UBE2E3: variants seen among roughly 807,000 people sequenced by gnomAD.
UBE2E3 encodes the protein ubiquitin-conjugating enzyme E2 E3.
Under a neutral mutation model 23.6 loss-of-function variants are expected in UBE2E3, and 5 were observed. The observed-to-expected ratio is 0.21, with a 90% CI of 0.11 to 0.44. UBE2E3 has a LOEUF of 0.44. UBE2E3 is among the 20% of genes least tolerant of loss of function. The pLI is 0.99. For synonymous variants in UBE2E3, 78 were observed against 87.5 expected, an observed-to-expected ratio of 0.89 and a Z score of 0.60; for missense variants, 81 against 249.8, an observed-to-expected ratio of 0.32 and a Z score of 4.55.
intron 3 of UBE2E3, among the ~76,000 whole-genome samples, chr2:180,997,988 G>A (rs890690057): frequency 3.9e-5 from 6 of 152,110 alleles, no homozygotes; most frequent in African/African-American, 1.4e-4. Context: ...CTAGGACTGG[G>A]TATAGCTCTT....
intron 3 of UBE2E3, among the ~76,000 whole-genome samples, chr2:181,050,006 C>G (rs1363291535): frequency 2.6e-5 from 4 of 151,926 alleles, no homozygotes; most frequent in African/African-American, 9.7e-5. Context: ...AAAAATCTTA[C>G]TTTCAGGCAT....
intron 3 of UBE2E3, among the ~76,000 whole-genome samples, chr2:181,049,537 T>C (rs930360731): frequency 3.3e-5 from 5 of 152,072 alleles, no homozygotes; most frequent in African/African-American, 1.2e-4. Flanking sequence ...GTGTTTCTTA[T>C]GATTATACAC....
chr2:181,031,512 TTTA>T (rs761668070), intron 3 of UBE2E3, among the ~76,000 whole-genome samples: 3 of 150,680 alleles, frequency 2.0e-5, no homozygotes, highest in Non-Finnish European at 4.4e-5. Context: ...TCTGTGTGTT[TTTA>T]TTTATTTAGT....
At chr2:180,983,272 C>T (rs964252664) in intron 2 of UBE2E3, among the ~76,000 whole-genome samples, 17 of 152,120 alleles carry the variant, frequency 1.1e-4, no homozygotes, top group African/African-American at 4.1e-4. Context: ...GTATTAATAA[C>T]TTGATAATAT....
chr2:181,062,636 T>A (rs1385660208), intron 5 of UBE2E3, among the ~76,000 whole-genome samples, 155 bp from the exon 6 acceptor site: 2 of 151,676 alleles, frequency 1.3e-5, no homozygotes, highest in Non-Finnish European at 3.0e-5. Flanking sequence ...AATATACATA[T>A]GATCATGTTA....
chr2:181,062,458 A>G (rs1345030433), intron 5 of UBE2E3, among the ~76,000 whole-genome samples: 1 of 151,636 alleles, frequency 6.6e-6, no homozygotes, highest in Non-Finnish European at 1.5e-5. Flanking sequence ...TCATAAGCAG[A>G]AATATAACCA....
intron 5 of UBE2E3, among the ~76,000 whole-genome samples, chr2:181,061,588 A>C (rs1235599311): frequency 6.6e-6 from 1 of 151,552 alleles, no homozygotes; most frequent in Non-Finnish European, 1.5e-5. Flanking sequence ...GTAGTAATGG[A>C]TATTAAAATG....
intron 3 of UBE2E3, among the ~76,000 whole-genome samples, chr2:180,986,950 G>A (rs770398095): frequency 6.6e-6 from 1 of 152,050 alleles, no homozygotes; most frequent in Non-Finnish European, 1.5e-5. Context: ...GTTATGTCTA[G>A]TACATACATA....
At chr2:181,028,647 T>C (rs551538451) in intron 3 of UBE2E3, among the ~76,000 whole-genome samples, 26 of 152,248 alleles carry the variant, frequency 1.7e-4, no homozygotes, top group African/African-American at 6.3e-4. Flanking sequence ...TTCCTAATAA[T>C]GAGGTTGAAC....
chr2:181,027,032 T>C (rs1685914327), intron 3 of UBE2E3, among the ~76,000 whole-genome samples: 2 of 151,950 alleles, frequency 1.3e-5, no homozygotes, highest in Non-Finnish European at 2.9e-5. Flanking sequence ...GTGCAGAGAA[T>C]TGCGCAGAGT....
intron 3 of UBE2E3, among the ~76,000 whole-genome samples, chr2:181,008,197 A>T (rs536082885): frequency 2.0e-5 from 3 of 152,314 alleles, no homozygotes; most frequent in African/African-American, 7.2e-5. Flanking sequence ...TTTGCTTATG[A>T]TGTTTTGTTT....
intron 3 of UBE2E3, among the ~76,000 whole-genome samples, chr2:181,019,880 A>C (rs181306571): frequency 2.6e-5 from 4 of 152,288 alleles, no homozygotes; most frequent in Admixed American, 2.6e-4. Flanking sequence ...TTTCTCAGCA[A>C]ATATCAAGTG....
At chr2:181,034,842 A>T (rs1425062282) in intron 3 of UBE2E3, among the ~76,000 whole-genome samples, 1 of 152,196 alleles carries the variant, frequency 6.6e-6, no homozygotes, top group African/African-American at 2.4e-5. Context: ...AGGTGAAATG[A>T]TTTGAGTAAT....
intron 3 of UBE2E3, among the ~76,000 whole-genome samples, chr2:180,985,687 C>G (rs933815088): frequency 2.6e-5 from 4 of 152,098 alleles, no homozygotes; most frequent in African/African-American, 9.6e-5. Flanking sequence ...CTGGAAGAAT[C>G]ACTTAACTTG....
intron 3 of UBE2E3, among the ~76,000 whole-genome samples, chr2:180,996,117 A>T (rs1684814659): frequency 6.6e-6 from 1 of 152,194 alleles, no homozygotes; most frequent in East Asian, 1.9e-4. Flanking sequence ...ATTTAAAAAA[A>T]ACTTCAGCTT....
rs200075756 is a variant in UBE2E3 at position 181,061,422 on chromosome 2, C to T, written c.526+610C>T. Among the ~76,000 whole-genome samples, 5 of 9,424 alleles carry T rather than the reference C, an allele frequency of 5.3e-4. 2 individuals are homozygous for T. The highest frequency in any genetic ancestry group is 8.7e-4 in the Non-Finnish European group (5 of 5,778). 6.2% of individuals were successfully genotyped at this position (9,424 alleles called of 152,430 possible). A position where few individuals can be genotyped will look rare whatever the true frequency, so the allele number is the denominator to read the frequency against. ...ACAGGCGTGAGCCACCGCGCCCGGC[C>T]GACCACTTCTAACAAGAGTAAAGCA... is the stretch of plus-strand genomic sequence containing the variant. On this transcript the variant is annotated intron_variant, in intron 5 of 5. Transcript: ENST00000410062.
chr2:181,046,401 T>A (rs915200541), intron 3 of UBE2E3, among the ~76,000 whole-genome samples: 1 of 152,170 alleles, frequency 6.6e-6, no homozygotes, highest in East Asian at 1.9e-4. Flanking sequence ...AAAAAACTAA[T>A]GGACAAACAG....
In UBE2E3 at chr2:180,999,339, T is replaced by C. The variant is rs141469677; in HGVS notation, c.245+15246T>C. On this transcript the variant is annotated intron_variant, in intron 3 of 5. Coordinates refer to ENST00000410062, the MANE Select transcript of UBE2E3 (RefSeq NM_006357.4). ...TTGGTATAGTTTATCTCCTCACCAG[T>C]TGTGAGCCTTTTGGTTGTTTCCACC... Among the ~76,000 whole-genome samples the C allele has an allele frequency of 2.1e-4, 32 of 152,320 alleles. 1 individual carries two copies. The East Asian group carries it at 6.0e-3, about 28-fold the overall frequency.
At chr2:181,043,622 A>G (rs539573310) in intron 3 of UBE2E3, among the ~76,000 whole-genome samples, 1 of 152,308 alleles carries the variant, frequency 6.6e-6, no homozygotes, top group East Asian at 1.9e-4. Flanking sequence ...TTATTGTATA[A>G]TATTTGATAA....
Sources: gnomAD v4.1 joint callset for allele counts (sites outside exome capture counted in the v4.1 genomes callset) on GRCh38, gnomAD v4.1.1 for gene constraint, MANE v1.5 for transcripts, NCBI Gene and HGNC (gene_info 2026-07-23, HGNC 2026-07-21) for gene names.